Variants in SNTB2 observed in about 807,000 individuals in gnomAD.
SNTB2 encodes beta-2-syntrophin.
SNTB2 carries 34 observed loss-of-function variants against 46.2 expected under a neutral mutation model. The observed-to-expected ratio is 0.74, with a 90% CI of 0.56 to 0.98. SNTB2 has a LOEUF of 0.98. Ranked by LOEUF, SNTB2 falls within the 50% of genes least tolerant of loss-of-function variation. SNTB2 has a pLI of 0.00. For synonymous variants in SNTB2, 290 were observed against 312.6 expected (o/e 0.93, Z 0.76); for missense variants, 603 against 731.4 (o/e 0.82, Z 2.02).
chr16:69,241,168 C>CTT lies in SNTB2; in HGVS notation c.581-4409_581-4408dup, dbSNP rs747664809. On this transcript the variant is annotated intron_variant, in intron 1 of 6. Coordinates refer to ENST00000336278, the MANE Select transcript of SNTB2 (RefSeq NM_006750.4). ...AGCCACCGTGCCCGGCCTGGATAAG[C>CTT]TTTTTTTTTTTTTTTTTTTTTTTTT... Among the ~76,000 whole-genome samples the CTT allele has an allele frequency of 4.3e-3, 257 of 59,316 alleles. 16 individuals are homozygous for CTT. The highest frequency in any genetic ancestry group is 0.012 in the African/African-American group (174 of 14,314). The allele number at this position is 59,316 out of a possible 152,430, so 38.9% of individuals were successfully genotyped here. A position where few individuals can be genotyped will look rare whatever the true frequency, so the allele number is the denominator to read the frequency against.
rs576210327 is a variant in SNTB2 at position 69,220,407 on chromosome 16, G to T, written c.581-25195G>T. Among the ~76,000 whole-genome samples the T allele has an allele frequency of 2.6e-5, 4 of 151,642 alleles. No homozygotes were observed. The East Asian group carries it at 5.8e-4, about 22-fold the overall frequency. On this transcript the variant is annotated intron_variant, in intron 1 of 6. Coordinates refer to ENST00000336278, the MANE Select transcript of SNTB2 (RefSeq NM_006750.4). ...CGATCTCCTGACCTCTGATCCTCCC[G>T]CCTCAGCCTCCCAAAGTGCTGGGAT...
chr16:69,287,985 G>C (rs1456301099), intron 5 of SNTB2, among the ~76,000 whole-genome samples: 1 of 151,802 alleles, frequency 6.6e-6, no homozygotes, highest in Non-Finnish European at 1.5e-5. Flanking sequence ...AGACCAGCCT[G>C]GGCAACATGG....
At chr16:69,296,680 C>G (rs1381460185) in intron 5 of SNTB2, among the ~76,000 whole-genome samples, 1 of 150,618 alleles carries the variant, frequency 6.6e-6, no homozygotes, top group Non-Finnish European at 1.5e-5. Flanking sequence ...CGAGATCATG[C>G]CACTGCAGTG....
At chr16:69,207,193 C>T (rs1449974508) in intron 1 of SNTB2, among the ~76,000 whole-genome samples, 7 of 119,504 alleles carry the variant, frequency 5.9e-5, no homozygotes, top group Non-Finnish European at 1.2e-4. Flanking sequence ...CTTGCTCTGT[C>T]GTTCAGGCTG....
At chr16:69,273,355 A>T (rs543074137) in intron 4 of SNTB2, among the ~76,000 whole-genome samples, 9 of 152,362 alleles carry the variant, frequency 5.9e-5, no homozygotes, top group African/African-American at 2.2e-4. Context: ...ATGAATGGAT[A>T]AAGTGTGACA....
chr16:69,281,420 T>A (rs1219920674), intron 4 of SNTB2, among the ~76,000 whole-genome samples: 1 of 151,934 alleles, frequency 6.6e-6, no homozygotes, highest in African/African-American at 2.4e-5. Context: ...ATTTTAGTAT[T>A]GTGTTTTACA....
At chr16:69,225,688 A>G (rs1481499538) in intron 1 of SNTB2, among the ~76,000 whole-genome samples, 7 of 152,220 alleles carry the variant, frequency 4.6e-5, no homozygotes, top group African/African-American at 7.2e-5. Flanking sequence ...TAACTTGAGG[A>G]CAAGATTTGT....
chr16:69,194,692 A>G (rs1964086443), intron 1 of SNTB2, among the ~76,000 whole-genome samples: 1 of 152,116 alleles, frequency 6.6e-6, no homozygotes, highest in African/African-American at 2.4e-5. Flanking sequence ...CAGATGTTCT[A>G]TTTGGCCAGG....
At chr16:69,299,409 G>A (rs1218099039) in intron 5 of SNTB2, among the ~76,000 whole-genome samples, 181 bp from the exon 6 acceptor site, 2 of 152,154 alleles carry the variant, frequency 1.3e-5, no homozygotes, top group African/African-American at 4.8e-5. Flanking sequence ...CCAAAGTGCT[G>A]GGATTACAGG....
At chr16:69,188,139 A>AT (rs1178433191) in intron 1 of SNTB2, among the ~76,000 whole-genome samples, 1 of 150,674 alleles carries the variant, frequency 6.6e-6, no homozygotes, top group Non-Finnish European at 1.5e-5. Context: ...GGGCGGGTCT[A>AT]TTAAAAAAAA....
intron 1 of SNTB2, chr16:69,241,841 A>G (rs551486100): frequency 7.0e-6 from 1 of 143,416 alleles, no homozygotes; most frequent in African/African-American, 2.5e-5. Flanking sequence ...AGATGGGAGG[A>G]TGGTTTGAGC....
At chr16:69,267,540 T>C (rs1964898241) in intron 3 of SNTB2, among the ~76,000 whole-genome samples, 1 of 152,220 alleles carries the variant, frequency 6.6e-6, no homozygotes, top group Non-Finnish European at 1.5e-5. Flanking sequence ...TAGACTAATA[T>C]AGTCTTGGAA....
rs1964664547 is a variant in SNTB2, at chr16:69,245,742, A to G, written c.721A>G (p.Lys241Glu). 1 of 1,614,152 alleles carries G rather than the reference A, an allele frequency of 6.2e-7. No individual in the cohort carries two copies. The highest frequency in any genetic ancestry group is 8.5e-7 in the Non-Finnish European group (1 of 1,180,022). ...SGSPKHQNSTKDRKIIPLKMC... is the reference protein window; with the variant it reads ...SGSPKHQNSTEDRKIIPLKMC... ...TTCGCCAAAACACCAGAACAGCACC[A>G]AGGACAGGAAGATCATCCCTCTCAA... Residue 241 changes from lysine (K) to glutamate (E), a missense_variant, in exon 2 of 7, where the codon AAG becomes GAG. By Grantham distance (56) the Lys-to-Glu change is moderately conservative (BLOSUM62 1). Transcript: ENST00000336278.
chr16:69,242,581 C>T (rs2152296535), intron 1 of SNTB2, among the ~76,000 whole-genome samples: 1 of 152,222 alleles, frequency 6.6e-6, no homozygotes, highest in East Asian at 1.9e-4. Context: ...TATATAAGCA[C>T]TATTGATATT....
Position 69,302,047 on chromosome 16 carries a change from T to TGCA in SNTB2, c.*1127_*1129dup, listed in dbSNP as rs1365920128. On this transcript the variant is annotated 3_prime_UTR_variant, in exon 7 of 7. Transcript: ENST00000336278. ...TTTGGGCTGCCCAAAAACAACAGGA[T>TGCA]GCAGCATCCTGGCTGTGGCCTGGCC... 6.6e-6 allele frequency: 1 copy of TGCA among 152,186 alleles called. No homozygotes were observed. Among genetic ancestry groups the TGCA allele is most frequent in the African/African-American group, 2.4e-5 (1 of 41,446 alleles). The allele number at this position is 152,186 out of a possible 1,614,324, so 9.4% of individuals were successfully genotyped here. A position where few individuals can be genotyped will look rare whatever the true frequency, so the allele number is the denominator to read the frequency against.
At chr16:69,201,766 G>T (rs925142911) in intron 1 of SNTB2, among the ~76,000 whole-genome samples, 1 of 152,134 alleles carries the variant, frequency 6.6e-6, no homozygotes, top group African/African-American at 2.4e-5. Flanking sequence ...TTTAGATTTC[G>T]TATTTGGAGG....
chr16:69,251,140 G>T (rs992026946), intron 2 of SNTB2, among the ~76,000 whole-genome samples: 1 of 150,694 alleles, frequency 6.6e-6, no homozygotes, highest in East Asian at 2.1e-4. Context: ...CACTACGCCC[G>T]GCTAATTTTT....
chr16:69,260,862 C>A (rs1176817878), intron 3 of SNTB2, among the ~76,000 whole-genome samples: 2 of 151,888 alleles, frequency 1.3e-5, no homozygotes, highest in Non-Finnish European at 2.9e-5. Flanking sequence ...GACAGAGGTA[C>A]AATTGTCTTC....
chr16:69,253,573 C>T (rs1391368992), intron 2 of SNTB2, among the ~76,000 whole-genome samples: 1 of 152,066 alleles, frequency 6.6e-6, no homozygotes, highest in Non-Finnish European at 1.5e-5. Flanking sequence ...GGCGTGAACC[C>T]AGGAGGCGGA....
Sources: allele counts gnomAD v4.1 joint callset (sites outside exome capture counted in the v4.1 genomes callset), GRCh38; gene constraint gnomAD v4.1.1; transcripts MANE v1.5; gene names NCBI Gene and HGNC (gene_info 2026-07-23, HGNC 2026-07-21).